Variants in PRKDC observed in about 807,000 individuals in gnomAD.
The protein encoded by PRKDC is protein kinase, DNA-activated, catalytic subunit, also known as DNA-dependent protein kinase catalytic subunit.
A neutral mutation model predicts 486.9 loss-of-function variants in PRKDC; 82 were observed. The ratio of observed to expected loss-of-function variants is 0.17; its 90% CI spans 0.14 to 0.20. The LOEUF (loss-of-function observed/expected upper bound fraction) is 0.20. PRKDC is among the 10% of genes least tolerant of loss of function. PRKDC has a pLI of 1.00. For missense variants in PRKDC, 4,504 were observed against 5,038.2 expected (o/e 0.89, Z 3.21); for synonymous variants, 1,895 against 1,837.0 (o/e 1.03, Z -0.81).
chr8:47,819,203 C>T (rs1317272400), intron 67 of PRKDC, among the ~76,000 whole-genome samples, 199 bp downstream of exon 67: 1 of 152,138 alleles, frequency 6.6e-6, no homozygotes, highest in Non-Finnish European at 1.5e-5. Flanking sequence ...CACTTTGCAG[C>T]CCTGATGCCT....
chr8:47,896,203 A>G (rs2089577112), intron 30 of PRKDC, among the ~76,000 whole-genome samples: 1 of 151,862 alleles, frequency 6.6e-6, no homozygotes, highest in African/African-American at 2.4e-5. Context: ...GTATGTATTT[A>G]TACATACTCT....
At chr8:47,901,270 T>A (rs1473710081) in intron 27 of PRKDC, among the ~76,000 whole-genome samples, 1 of 152,096 alleles carries the variant, frequency 6.6e-6, no homozygotes, top group Non-Finnish European at 1.5e-5. Context: ...GGTCAGGAGT[T>A]CAAGACCAGC....
chr8:47,828,370 AC>A (rs2087785640), intron 61 of PRKDC, 23 bp from the exon 62 acceptor site: 2 of 1,532,246 alleles, frequency 1.3e-6, no homozygotes, highest in African/African-American at 1.4e-5. Context: ...CAAAACAAAG[AC>A]AAATTAGGAT....
At chr8:47,806,169 C>T (rs1188310091) in intron 69 of PRKDC, among the ~76,000 whole-genome samples, 1 of 152,224 alleles carries the variant, frequency 6.6e-6, no homozygotes, top group Non-Finnish European at 1.5e-5. Context: ...TTGCTGACAT[C>T]TCTCTTCTTT....
intron 13 of PRKDC, 38 bp downstream of exon 13, chr8:47,935,694 C>T (rs773187878): frequency 6.4e-5 from 101 of 1,581,806 alleles, no homozygotes; most frequent in Middle Eastern, 3.4e-4. Context: ...TGTTAATTAT[C>T]CATCATTACT....
In PRKDC at chr8:47,836,396, C is replaced by G. The variant is rs1324224183; in HGVS notation, c.7893G>C (p.Val2631=). The change falls in exon 58 of 86, where the codon GTG becomes GTC. Residue 2631 remains valine (V), a synonymous_variant. Coordinates refer to ENST00000314191, the MANE Select transcript of PRKDC (RefSeq NM_006904.7). The part of the protein sequence containing the change: ...QEGSLSARWP[V]AGQIRATQQQ... ...GCTGGGTGGCCCTTATCTGCCCTGC[C>G]ACTGGCCAGCGAGCTGAGAGGGACC... The G allele has an allele frequency of 6.2e-7, 1 of 1,611,248 alleles. No individual in the cohort carries two copies. The highest frequency in any genetic ancestry group is 1.3e-5 in the African/African-American group (1 of 74,850).
rs1299542076 is a variant in PRKDC at position 47,904,969 on chromosome 8, C to T, written c.2942G>A (p.Arg981Lys). ...CATAACTAGTGGCTCATACAGTTGC[C>T]TTGTCACCTGAAGAAACAATACCAT... Reference protein sequence around the residue: ...RLACDVDQVTRQLYEPLVMQL... With the variant: ...RLACDVDQVTKQLYEPLVMQL... Residue 981 changes from arginine to lysine, a missense_variant, in exon 26 of 86, where the codon AGG becomes AAG. Physicochemically the swap from Arg to Lys is conservative, Grantham distance 26. Around this residue, in one of 6 missense-constraint regions of PRKDC, gnomAD observed 1,969 missense variants for 2,068.9 expected, o/e 0.95. Coordinates refer to ENST00000314191, the MANE Select transcript of PRKDC (RefSeq NM_006904.7). 6.2e-7 allele frequency: 1 copy of T among 1,610,076 alleles called. No homozygotes were observed.
chr8:47,798,478 C>G (rs2087026758), intron 72 of PRKDC, 81 bp from the exon 73 acceptor site: 1 of 1,382,000 alleles, frequency 7.2e-7, no homozygotes, highest in Admixed American at 2.9e-5. Context: ...CTAACACTTT[C>G]CCTTTTTGGC....
chr8:47,914,136 A>G (rs2089951801), intron 23 of PRKDC, 72 bp from the exon 24 acceptor site: 1 of 1,272,076 alleles, frequency 7.9e-7, no homozygotes, highest in Non-Finnish European at 1.0e-6. Context: ...TTCACAAATC[A>G]AAACATTTCT....
intron 40 of PRKDC, among the ~76,000 whole-genome samples, chr8:47,868,275 A>G (rs772931187): frequency 6.6e-6 from 1 of 151,956 alleles, no homozygotes; most frequent in Non-Finnish European, 1.5e-5. Flanking sequence ...AAATATTTTA[A>G]TTCCGGGTAT....
chr8:47,824,111 A>G (rs1353646781), intron 63 of PRKDC, 115 bp from the exon 64 acceptor site: 1 of 1,068,458 alleles, frequency 9.4e-7, no homozygotes. Flanking sequence ...CAAGAGACAT[A>G]AAGTGTTACT....
intron 73 of PRKDC, among the ~76,000 whole-genome samples, chr8:47,795,430 C>T (rs1232219868): frequency 2.0e-5 from 3 of 151,418 alleles, no homozygotes; most frequent in Admixed American, 2.0e-4. Flanking sequence ...ACCTCGTGAT[C>T]GGCCCACCTC....
chr8:47,779,038 T>C lies in PRKDC; in HGVS notation c.11545A>G (p.Lys3849Glu). Reference protein sequence around the residue: ...YKDWLTKMSGKHDVGAYMLMY... With the variant: ...YKDWLTKMSGEHDVGAYMLMY... ...AGCATGTAAGCTCCAACATCATGTT[T>C]TCCTGACATTTTTGTCAGCCAATCT... Residue 3849 changes from lysine (K) to glutamate (E), a missense_variant, in exon 81 of 86, where the codon AAA (lysine) becomes GAA (glutamate). Lys to Glu is a moderately conservative substitution (Grantham distance 56). This residue lies in a region of PRKDC where 706 missense variants were observed against 945.0 expected (regional missense o/e 0.75). Coordinates refer to ENST00000314191, the MANE Select transcript of PRKDC (RefSeq NM_006904.7). The C allele has an allele frequency of 6.2e-7, 1 of 1,602,256 alleles. No individual in the cohort carries two copies. The highest frequency in any genetic ancestry group is 8.5e-7 in the Non-Finnish European group (1 of 1,173,904).
intron 25 of PRKDC, among the ~76,000 whole-genome samples, chr8:47,908,333 T>C (rs953685054): frequency 1.3e-5 from 2 of 152,264 alleles, no homozygotes. Context: ...TTTTTCTTTA[T>C]ACATTTGTCC....
chr8:47,807,423 G>C (rs2087237036), intron 68 of PRKDC, 97 bp from the exon 69 acceptor site: 2 of 1,133,150 alleles, frequency 1.8e-6, no homozygotes, highest in Non-Finnish European at 2.4e-6. Flanking sequence ...GTAAATGTTT[G>C]TTCTTTTTTT....
At chr8:47,894,221 G>A (rs946934878) in intron 30 of PRKDC, among the ~76,000 whole-genome samples, 2 of 152,168 alleles carry the variant, frequency 1.3e-5, no homozygotes, top group East Asian at 1.9e-4. Context: ...AGGTTGCAGT[G>A]AGCCAAGATC....
At position 47,930,129 on chromosome 8, in the gene PRKDC, C is replaced by A. The variant is rs1416861898; in HGVS notation, c.1893-117G>T. The A allele has an allele frequency of 4.6e-6, 4 of 868,550 alleles. No homozygotes were observed. The African/African-American group carries it at 6.9e-5, about 15-fold the overall frequency. The allele number at this position is 868,550 out of a possible 1,614,324, so 53.8% of individuals were successfully genotyped here. A position where few individuals can be genotyped will look rare whatever the true frequency, so the allele number is the denominator to read the frequency against. On this transcript the variant is annotated intron_variant, in intron 17 of 85. Transcript: ENST00000314191. The stretch of plus-strand genomic sequence containing the variant: ...CCCATCACGTAACATTTTGAGGTAT[C>A]CTAAAATGTTTAGTTATATCTATAA...
intron 66 of PRKDC, among the ~76,000 whole-genome samples, chr8:47,820,480 G>GA (rs541622452): frequency 9.8e-4 from 148 of 150,824 alleles, no homozygotes; most frequent in African/African-American, 2.8e-3. Context: ...TTCTAAAATA[G>GA]AAAAAAAAGA....
intron 58 of PRKDC, among the ~76,000 whole-genome samples, chr8:47,835,838 CTGCAGCCTTGAACTTCTGG>C (rs1379504515): frequency 2.0e-5 from 3 of 151,758 alleles, no homozygotes. Context: ...TCACAGATCA[CTGCAGCCTTGAACTTCTGG>C]GCTCGAGCCA....
Sources: allele counts gnomAD v4.1 joint callset (sites outside exome capture counted in the v4.1 genomes callset), GRCh38; gene constraint gnomAD v4.1.1; regional missense constraint gnomAD v4.1.1; transcripts MANE v1.5; gene names NCBI Gene and HGNC (gene_info 2026-07-23, HGNC 2026-07-21).